TET1: variants seen among roughly 807,000 people sequenced by gnomAD.
TET1 encodes methylcytosine dioxygenase TET1.
In TET1, 13 loss-of-function variants were observed where a neutral mutation model predicts 148.7. The ratio of observed to expected loss-of-function variants is 0.09; its 90% CI spans 0.06 to 0.14. The LOEUF is 0.14. Ranked by LOEUF, TET1 falls within the 10% of genes least tolerant of loss-of-function variation. The pLI is 1.00. For missense variants in TET1, 2,182 were observed against 2,553.8 expected (o/e 0.85, Z 3.14); for synonymous variants, 907 against 937.2 (o/e 0.97, Z 0.59).
At chr10:68,604,299 G>T (rs1203028805) in intron 3 of TET1, among the ~76,000 whole-genome samples, 1 of 152,170 alleles carries the variant, frequency 6.6e-6, no homozygotes, top group Non-Finnish European at 1.5e-5. Context: ...CATTGTCCCT[G>T]GAGAAAATCA....
intron 7 of TET1, among the ~76,000 whole-genome samples, 174 bp from the exon 8 acceptor site, chr10:68,672,719 CAA>C (rs1371480182): frequency 6.6e-6 from 1 of 151,918 alleles, no homozygotes; most frequent in Non-Finnish European, 1.5e-5. Flanking sequence ...CTTGAAAAAA[CAA>C]AAGTTAGCTT....
At chr10:68,655,856 G>A (rs1199997505) in intron 6 of TET1, among the ~76,000 whole-genome samples, 4 of 152,108 alleles carry the variant, frequency 2.6e-5, no homozygotes, top group Non-Finnish European at 5.9e-5. Flanking sequence ...CTGACTTCAT[G>A]GCAGAAGGTG....
At chr10:68,670,667 TATG>T (rs1453511946) in intron 7 of TET1, among the ~76,000 whole-genome samples, 1 of 152,222 alleles carries the variant, frequency 6.6e-6, no homozygotes. Flanking sequence ...TTTTCAATGA[TATG>T]AATAAATTTC....
intron 1 of TET1, among the ~76,000 whole-genome samples, 152 bp downstream of exon 1, chr10:68,560,894 C>G (rs998656574): frequency 6.6e-6 from 1 of 152,104 alleles, no homozygotes; most frequent in African/African-American, 2.4e-5. Context: ...GGGGTGGGCT[C>G]GTTCCCCGCC....
intron 11 of TET1, 22 bp from the exon 12 acceptor site, chr10:68,690,786 C>T: frequency 6.5e-7 from 1 of 1,535,652 alleles, no homozygotes; most frequent in Non-Finnish European, 8.8e-7. Flanking sequence ...TATTTTTCTT[C>T]ACATTTGGTG....
At chr10:68,647,922 C>G (rs1017669154) in intron 4 of TET1, among the ~76,000 whole-genome samples, 1 of 152,198 alleles carries the variant, frequency 6.6e-6, no homozygotes, top group Non-Finnish European at 1.5e-5. Context: ...TAATATATTT[C>G]TATTTCTCTG....
intron 3 of TET1, among the ~76,000 whole-genome samples, chr10:68,616,198 G>A (rs952147043): frequency 2.0e-5 from 3 of 152,146 alleles, no homozygotes; most frequent in Admixed American, 1.3e-4. Flanking sequence ...TACCTATTCA[G>A]ATGTCACCAA....
intron 6 of TET1, among the ~76,000 whole-genome samples, chr10:68,655,734 A>G (rs1455437122): frequency 6.6e-6 from 1 of 152,232 alleles, no homozygotes; most frequent in Non-Finnish European, 1.5e-5. Flanking sequence ...ACTTTCTATT[A>G]GTATTTTTCC....
At chr10:68,612,957 G>A (rs1162195472) in intron 3 of TET1, among the ~76,000 whole-genome samples, 2 of 152,130 alleles carry the variant, frequency 1.3e-5, no homozygotes, top group Admixed American at 1.3e-4. Context: ...GGGTAGAGTA[G>A]TATTCACCTT....
At chr10:68,632,370 C>G in intron 3 of TET1, 1 of 1,598,796 alleles carries the variant, frequency 6.3e-7, no homozygotes, top group Non-Finnish European at 8.6e-7. Flanking sequence ...GAGTAGTCCT[C>G]ATGGCCTCCA....
chr10:68,639,241 G>A (rs2054702013), intron 3 of TET1, among the ~76,000 whole-genome samples: 1 of 151,490 alleles, frequency 6.6e-6, no homozygotes. Flanking sequence ...GGCCAACATG[G>A]CAAAACCCAG....
intron 6 of TET1, 122 bp from the exon 7 acceptor site, chr10:68,666,923 C>T: frequency 1.1e-6 from 1 of 914,334 alleles, no homozygotes; most frequent in East Asian, 2.7e-5. Flanking sequence ...GTCTGTAGAA[C>T]AGATTTTATA....
At chr10:68,574,492 C>T (rs979098990) in intron 2 of TET1, among the ~76,000 whole-genome samples, 21 of 152,130 alleles carry the variant, frequency 1.4e-4, no homozygotes, top group African/African-American at 5.1e-4. Context: ...TCCCAGAAAA[C>T]TAGAACATAC....
At chr10:68,650,494 G>C (rs1186527702) in intron 4 of TET1, among the ~76,000 whole-genome samples, 2 of 152,044 alleles carry the variant, frequency 1.3e-5, no homozygotes, top group African/African-American at 4.8e-5. Context: ...AGCCAGGCAT[G>C]GTGGTGCATG....
At chr10:68,591,217 C>G (rs2053915419) in intron 2 of TET1, among the ~76,000 whole-genome samples, 1 of 152,244 alleles carries the variant, frequency 6.6e-6, no homozygotes, top group South Asian at 2.1e-4. Context: ...TCAGGAAAAT[C>G]AAACAGACTT....
intron 2 of TET1, among the ~76,000 whole-genome samples, chr10:68,576,838 C>T (rs1364682553): frequency 6.6e-6 from 1 of 151,994 alleles, no homozygotes; most frequent in Non-Finnish European, 1.5e-5. Context: ...CTCCCAAGTT[C>T]AAGTGATTCT....
intron 3 of TET1, among the ~76,000 whole-genome samples, chr10:68,638,792 T>A (rs1467812993): frequency 6.6e-6 from 1 of 151,300 alleles, no homozygotes; most frequent in East Asian, 1.9e-4. Flanking sequence ...TGTGTGTGTG[T>A]GTGTGTGTGT....
At chr10:68,582,754 CAT>C (rs1363532726) in intron 2 of TET1, among the ~76,000 whole-genome samples, 1 of 152,066 alleles carries the variant, frequency 6.6e-6, no homozygotes, top group African/African-American at 2.4e-5. Flanking sequence ...TTACATATGG[CAT>C]ATGGAACAAA....
chr10:68,610,289 C>A (rs2054188199), intron 3 of TET1, among the ~76,000 whole-genome samples: 1 of 147,788 alleles, frequency 6.8e-6, no homozygotes, highest in African/African-American at 2.5e-5. Flanking sequence ...TCTCAAAAAA[C>A]AAACAAACAA....
Sources: gnomAD v4.1 joint callset for allele counts (sites outside exome capture counted in the v4.1 genomes callset) on GRCh38, gnomAD v4.1.1 for gene constraint, MANE v1.5 for transcripts, NCBI Gene and HGNC (gene_info 2026-07-23, HGNC 2026-07-21) for gene names.